The following SLC35F2 variants were observed in gnomAD, a reference collection of about 807,000 sequenced individuals.
SLC35F2 encodes queuine/queuosine transporter SLC35F2.
A neutral mutation model predicts 38.1 loss-of-function variants in SLC35F2; 25 were observed. That is an observed-to-expected ratio of 0.66 (90% CI 0.48 to 0.92). The LOEUF (loss-of-function observed/expected upper bound fraction) is 0.92, where lower values mean the gene tolerates loss of function less well. Ranked by LOEUF, SLC35F2 falls within the 40% of genes least tolerant of loss-of-function variation. The pLI, the probability that SLC35F2 is intolerant of heterozygous loss-of-function variation, is 0.00. For missense variants in SLC35F2, 409 were observed against 452.9 expected (o/e 0.90, Z 0.88); for synonymous variants, 173 against 181.7 (o/e 0.95, Z 0.38).
At chr11:107,853,192 G>A (rs1860216397) in intron 1 of SLC35F2, among the ~76,000 whole-genome samples, 1 of 152,094 alleles carries the variant, frequency 6.6e-6, no homozygotes, top group South Asian at 2.1e-4. Flanking sequence ...TCATAATCAC[G>A]ATCACCTTCC....
chr11:107,816,409 T>A (rs2134794740), intron 1 of SLC35F2: 1 of 403,494 alleles, frequency 2.5e-6, no homozygotes, highest in Non-Finnish European at 3.4e-6. Flanking sequence ...AGCCTCCAAA[T>A]AACTGGGACT....
At chr11:107,855,762 C>G (rs1860267796) in intron 1 of SLC35F2, among the ~76,000 whole-genome samples, 1 of 150,826 alleles carries the variant, frequency 6.6e-6, no homozygotes, top group Non-Finnish European at 1.5e-5. Flanking sequence ...TAGGAGGCTA[C>G]TAGACTGATT....
At chr11:107,858,255 G>T (rs1860327986) in intron 1 of SLC35F2, among the ~76,000 whole-genome samples, 1 of 152,204 alleles carries the variant, frequency 6.6e-6, no homozygotes, top group African/African-American at 2.4e-5. Context: ...GGCAGCAGAT[G>T]GAATGAGGGC....
At chr11:107,858,400 G>A (rs11603959) in intron 1 of SLC35F2, 147,192 of 337,112 alleles carry the variant, frequency 0.44, 32,706 homozygotes, top group Admixed American at 0.54. Context: ...CACAGGGTGG[G>A]TTTCCCCCCA....
chr11:107,813,495 C>T (rs1224865848), intron 2 of SLC35F2, among the ~76,000 whole-genome samples: 1 of 152,040 alleles, frequency 6.6e-6, no homozygotes, highest in Non-Finnish European at 1.5e-5. Flanking sequence ...AACAAAAACA[C>T]AGAATTAGTC....
intron 1 of SLC35F2, among the ~76,000 whole-genome samples, chr11:107,847,816 A>G (rs967493925): frequency 1.3e-5 from 2 of 152,200 alleles, no homozygotes; most frequent in East Asian, 3.8e-4. Flanking sequence ...GGTGTGCACA[A>G]GGGAATCACC....
intron 1 of SLC35F2, among the ~76,000 whole-genome samples, chr11:107,851,437 T>G (rs1302900108): frequency 1.4e-5 from 2 of 147,940 alleles, no homozygotes; most frequent in Non-Finnish European, 3.0e-5. Context: ...CACTCCAGCC[T>G]GGGTGACAAG....
At chr11:107,816,363 C>T (rs143556770) in intron 1 of SLC35F2, 2 of 836,518 alleles carry the variant, frequency 2.4e-6, no homozygotes, top group East Asian at 1.2e-4. Flanking sequence ...CTCACTGCAG[C>T]CTTGACCTCC....
In SLC35F2 at chr11:107,809,663, G is replaced by A. The variant is rs1859451610; in HGVS notation, c.414+2004C>T. 1.1e-5 allele frequency: 11 copies of A among 978,492 alleles called. No individual in the cohort carries two copies. The Admixed American group carries it at 6.2e-4, about 55-fold the overall frequency. 60.6% of individuals were successfully genotyped at this position (978,492 alleles called of 1,614,324 possible). A position where few individuals can be genotyped will look rare whatever the true frequency, so the allele number is the denominator to read the frequency against. On this transcript the variant is annotated intron_variant, in intron 3 of 7. Transcript: ENST00000525815. ...AAAAAAAGTATTCTTGGTGATGGAT[G>A]TCTTCTCTGTTTCAGTTCGAAGAGT...
In SLC35F2 at chr11:107,803,257, T is replaced by C. The variant is rs139375873; in HGVS notation, c.785-102A>G. ...TATAAAACTCCCTAACCCTTTAACATATTATGTACAAAGCCCCTTGTTAAC... is the reference window on the plus strand; with the variant it reads ...TATAAAACTCCCTAACCCTTTAACACATTATGTACAAAGCCCCTTGTTAAC... On this transcript the variant is annotated intron_variant, in intron 6 of 7. Transcript: ENST00000525815. 3.3e-4 allele frequency: 449 copies of C among 1,371,382 alleles called. No individual in the cohort carries two copies. In the African/African-American group the frequency reaches 5.3e-3, roughly 16 times the overall value. 85.0% of individuals were successfully genotyped at this position (1,371,382 alleles called of 1,614,324 possible).
chr11:107,815,501 T>C (rs964549764), intron 2 of SLC35F2, among the ~76,000 whole-genome samples: 1 of 151,264 alleles, frequency 6.6e-6, no homozygotes, highest in Non-Finnish European at 1.5e-5. Context: ...AAGGCTGCAG[T>C]GAGTCGAGAT....
At chr11:107,830,722 C>T (rs777822631) in intron 1 of SLC35F2, among the ~76,000 whole-genome samples, 4 of 152,036 alleles carry the variant, frequency 2.6e-5, no homozygotes, top group Non-Finnish European at 4.4e-5. Context: ...CAAAACATCA[C>T]ATGTATTTGC....
intron 1 of SLC35F2, among the ~76,000 whole-genome samples, chr11:107,848,060 G>A (rs898605872): frequency 4.6e-5 from 7 of 152,132 alleles, no homozygotes; most frequent in African/African-American, 1.7e-4. Context: ...GAGGGGGAGT[G>A]CAGAGTTATT....
chr11:107,854,544 A>G (rs1476783363), intron 1 of SLC35F2, among the ~76,000 whole-genome samples: 1 of 152,158 alleles, frequency 6.6e-6, no homozygotes, highest in Non-Finnish European at 1.5e-5. Context: ...GACAGTAATA[A>G]ATCACAAAAG....
At chr11:107,851,498 A>C (rs907196023) in intron 1 of SLC35F2, among the ~76,000 whole-genome samples, 1 of 149,912 alleles carries the variant, frequency 6.7e-6, no homozygotes, top group Non-Finnish European at 1.5e-5. Flanking sequence ...TTAAAAAAAA[A>C]AAAGGCTGAG....
intron 1 of SLC35F2, among the ~76,000 whole-genome samples, chr11:107,851,696 C>A (rs1272151382): frequency 6.6e-6 from 1 of 151,920 alleles, no homozygotes; most frequent in African/African-American, 2.4e-5. Flanking sequence ...ATGTAACAAT[C>A]AGAATATACA....
intron 7 of SLC35F2, among the ~76,000 whole-genome samples, chr11:107,799,849 G>C (rs1859277702): frequency 6.8e-6 from 1 of 147,828 alleles, no homozygotes; most frequent in Non-Finnish European, 1.5e-5. Flanking sequence ...GTGAGCCCCT[G>C]TGCCCGGCAC....
chr11:107,814,172 C>T (rs1859525610), intron 2 of SLC35F2, among the ~76,000 whole-genome samples: 1 of 152,096 alleles, frequency 6.6e-6, no homozygotes, highest in Non-Finnish European at 1.5e-5. Flanking sequence ...AAGGGTTAAA[C>T]TAAAGTTTTA....
chr11:107,850,559 C>A (rs1386928970), intron 1 of SLC35F2, among the ~76,000 whole-genome samples: 1 of 152,114 alleles, frequency 6.6e-6, no homozygotes, highest in African/African-American at 2.4e-5. Context: ...CGGTGGCTCA[C>A]TTCTATAAGC....
Sources: gnomAD v4.1 joint callset for allele counts (sites outside exome capture counted in the v4.1 genomes callset) on GRCh38, gnomAD v4.1.1 for gene constraint, MANE v1.5 for transcripts, NCBI Gene and HGNC (gene_info 2026-07-23, HGNC 2026-07-21) for gene names.